Variants in FYB2 observed in about 807,000 individuals in gnomAD.
FYB2 encodes FYN-binding protein 2.
FYB2 carries 103 observed loss-of-function variants against 94.1 expected under a neutral mutation model. The ratio of observed to expected loss-of-function variants is 1.09; its 90% CI spans 0.93 to 1.29. The LOEUF (loss-of-function observed/expected upper bound fraction) is 1.29, where lower values mean the gene tolerates loss of function less well. FYB2 is among the 50% of genes most tolerant of loss of function. FYB2 has a pLI of 0.00. For synonymous variants in FYB2, 293 were observed against 287.9 expected, an observed-to-expected ratio of 1.02 and a Z score of -0.18; for missense variants, 896 against 841.5, an observed-to-expected ratio of 1.06 and a Z score of -0.80.
chr1:56,780,834 A>G (rs1242165823), intron 4 of FYB2, among the ~76,000 whole-genome samples: 1 of 152,200 alleles, frequency 6.6e-6, no homozygotes, highest in Non-Finnish European at 1.5e-5. Flanking sequence ...CTGAAGTCCA[A>G]TTAAAAAGGG....
chr1:56,783,114 G>T (rs1646046571), intron 4 of FYB2, among the ~76,000 whole-genome samples: 1 of 152,154 alleles, frequency 6.6e-6, no homozygotes, highest in African/African-American at 2.4e-5. Context: ...TATTTCAGAG[G>T]TAACAAGGGA....
At chr1:56,787,700 G>C (rs901436783) in intron 3 of FYB2, among the ~76,000 whole-genome samples, 5 of 152,138 alleles carry the variant, frequency 3.3e-5, no homozygotes, top group Non-Finnish European at 7.4e-5. Flanking sequence ...CTATTTTATA[G>C]ATAAGGAAAA....
chr1:56,820,565 C>T (rs1462038570), upstream of FYB2, among the ~76,000 whole-genome samples: 2 of 152,150 alleles, frequency 1.3e-5, no homozygotes, highest in Non-Finnish European at 2.9e-5. Flanking sequence ...CAGGGAGAGG[C>T]GGGGTGGAGC....
chr1:56,731,545 G>GA (rs1011099066), intron 15 of FYB2, among the ~76,000 whole-genome samples: 1 of 151,936 alleles, frequency 6.6e-6, no homozygotes, highest in African/African-American at 2.4e-5. Flanking sequence ...TCAGGCTGGG[G>GA]AGATTTCAGC....
intron 1 of FYB2, among the ~76,000 whole-genome samples, chr1:56,817,942 C>G (rs1399124080): frequency 6.6e-6 from 1 of 152,174 alleles, no homozygotes; most frequent in Non-Finnish European, 1.5e-5. Context: ...TGGTATGATA[C>G]TGAGCAAGTG....
intron 1 of FYB2, among the ~76,000 whole-genome samples, chr1:56,813,923 G>T (rs1360411440): frequency 2.0e-5 from 3 of 152,144 alleles, no homozygotes; most frequent in Admixed American, 6.5e-5. Context: ...AGTCATGCTG[G>T]CTCAGAGTCT....
intron 14 of FYB2, 31 bp downstream of exon 14, chr1:56,738,594 T>C: frequency 1.9e-6 from 3 of 1,591,154 alleles, no homozygotes; most frequent in Non-Finnish European, 2.6e-6. Context: ...AGCTGAGTAC[T>C]TTTGGTCTGC....
At chr1:56,756,271 T>C (rs1211847001) in intron 6 of FYB2, among the ~76,000 whole-genome samples, 2 of 152,196 alleles carry the variant, frequency 1.3e-5, no homozygotes, top group African/African-American at 2.4e-5. Flanking sequence ...ATTTAAGCAA[T>C]ATTTTACTGG....
chr1:56,740,900 T>C, intron 12 of FYB2, 105 bp from the exon 13 acceptor site: 1 of 705,416 alleles, frequency 1.4e-6, no homozygotes, highest in East Asian at 3.0e-5. Flanking sequence ...CACTTGTAAG[T>C]GGGAGCTAAA....
intron 9 of FYB2, among the ~76,000 whole-genome samples, chr1:56,746,906 T>C (rs969243960): frequency 3.3e-5 from 5 of 151,998 alleles, no homozygotes; most frequent in Non-Finnish European, 5.9e-5. Context: ...GCTTACAATC[T>C]CCACAGTGAA....
intron 15 of FYB2, among the ~76,000 whole-genome samples, chr1:56,736,129 C>T (rs1422246028): frequency 6.6e-6 from 1 of 151,866 alleles, no homozygotes; most frequent in Non-Finnish European, 1.5e-5. Context: ...GAAATAATAA[C>T]ATAGAAACCT....
At chr1:56,745,996 A>G (rs1486216145) in intron 9 of FYB2, among the ~76,000 whole-genome samples, 1 of 151,868 alleles carries the variant, frequency 6.6e-6, no homozygotes, top group Non-Finnish European at 1.5e-5. Flanking sequence ...CAACTACTTG[A>G]GGTTTTTGAA....
chr1:56,758,738 A>G lies in FYB2; in HGVS notation c.1076T>C (p.Val359Ala). The G allele has an allele frequency of 6.3e-7, 1 of 1,597,972 alleles. No homozygotes were observed. Among genetic ancestry groups the G allele is most frequent in the South Asian group, 1.1e-5 (1 of 87,510 alleles). ...TACCTTTTGGAGTTCTTCAATTCCA[A>G]CTTCATAAGTTGCTAAAGTAAACAT... ...AKEIADPTYE[V>A]GIEELQKPGK... Residue 359 changes from valine (V) to alanine (A), a missense_variant, in exon 6 of 20, where the codon GTT (valine) becomes GCT (alanine). Physicochemically the swap from Val to Ala is moderately conservative, Grantham distance 64. Transcript: ENST00000343433.
chr1:56,792,833 C>CAA, intron 1 of FYB2, 30 bp from the exon 2 acceptor site: 1 of 1,544,412 alleles, frequency 6.5e-7, no homozygotes, highest in Non-Finnish European at 8.7e-7. Context: ...AACAAACAAA[C>CAA]AAAAACAAAA....
intron 19 of FYB2, 55 bp downstream of exon 19, chr1:56,719,967 T>C (rs1461191174): frequency 2.0e-6 from 3 of 1,488,334 alleles, no homozygotes; most frequent in East Asian, 4.5e-5. Context: ...GAGACTAATG[T>C]ATACAACAAT....
chr1:56,794,770 G>C (rs918994312), intron 1 of FYB2, among the ~76,000 whole-genome samples: 2 of 152,074 alleles, frequency 1.3e-5, no homozygotes, highest in African/African-American at 2.4e-5. Context: ...AGCCAGCACT[G>C]GGCATGAAAT....
At chr1:56,808,034 T>C (rs898510060) in intron 1 of FYB2, among the ~76,000 whole-genome samples, 15 of 152,178 alleles carry the variant, frequency 9.9e-5, no homozygotes, top group African/African-American at 3.4e-4. Flanking sequence ...AAAGTTTGCA[T>C]TGTTGTCAAG....
chr1:56,740,045 G>T (rs2100600062), intron 13 of FYB2, among the ~76,000 whole-genome samples: 1 of 152,124 alleles, frequency 6.6e-6, no homozygotes, highest in South Asian at 2.1e-4. Context: ...AATGCTGTGG[G>T]TGTATAAAGG....
At chr1:56,782,767 C>T (rs1646037941) in intron 4 of FYB2, among the ~76,000 whole-genome samples, 1 of 152,034 alleles carries the variant, frequency 6.6e-6, no homozygotes, top group African/African-American at 2.4e-5. Flanking sequence ...CCCACAGACC[C>T]TCCCCTAAGA....
Sources: allele counts gnomAD v4.1 joint callset (sites outside exome capture counted in the v4.1 genomes callset), GRCh38; gene constraint gnomAD v4.1.1; transcripts MANE v1.5; gene names NCBI Gene and HGNC (gene_info 2026-07-23, HGNC 2026-07-21).